The following RHOA variants were observed in gnomAD, a reference collection of about 807,000 sequenced individuals.
RHOA encodes transforming protein RhoA.
Under a neutral mutation model 17.5 loss-of-function variants are expected in RHOA, and 3 were observed. The ratio of observed to expected loss-of-function variants is 0.17; its 90% CI spans 0.08 to 0.44. The LOEUF is 0.44. Among genes scored for constraint, RHOA ranks in the 20% least tolerant of loss-of-function variants. The probability of loss-of-function intolerance (pLI) is 0.99; values close to 1 mark genes in which losing one functional copy is unlikely to be tolerated. For synonymous variants in RHOA, 98 were observed against 88.4 expected (o/e 1.11, Z -0.61); for missense variants, 56 against 242.3 (o/e 0.23, Z 5.10).
intron 1 of RHOA, among the ~76,000 whole-genome samples, chr3:49,407,719 C>G (rs966451883): frequency 2.0e-5 from 3 of 151,960 alleles, no homozygotes; most frequent in Non-Finnish European, 4.4e-5. Context: ...TTTCCCATGT[C>G]CTAAAGGCCC....
At chr3:49,375,754 A>G (rs1022661840) in intron 1 of RHOA, among the ~76,000 whole-genome samples, 163 bp from the exon 2 acceptor site, 2 of 152,184 alleles carry the variant, frequency 1.3e-5, no homozygotes, top group African/African-American at 4.8e-5. Flanking sequence ...GTTATACATT[A>G]AAAACTCGTA....
intron 1 of RHOA, among the ~76,000 whole-genome samples, chr3:49,398,606 G>A (rs576047679): frequency 3.9e-4 from 58 of 150,158 alleles, no homozygotes; most frequent in South Asian, 1.1e-3. Context: ...GGTGGATCAC[G>A]AGGTCAGGAG....
Position 49,405,896 on chromosome 3 carries a change from A to G in RHOA, c.-3+5924T>C, listed in dbSNP as rs556712846. Among the ~76,000 whole-genome samples, 41 of 152,138 alleles carry G rather than the reference A, an allele frequency of 2.7e-4. 1 individual carries two copies. The highest frequency in any genetic ancestry group is 2.1e-4 in the Non-Finnish European group (14 of 67,982). On this transcript the variant is annotated intron_variant, in intron 1 of 4. Coordinates refer to ENST00000418115, the MANE Select transcript of RHOA (RefSeq NM_001664.4). ...GATGGGGTTTCACCATGTTGGTCAG[A>G]CTGGTTTCGAACTCCTGACCTCAGG... is the stretch of plus-strand genomic sequence containing the variant.
At position 49,380,984 on chromosome 3, in the gene RHOA, C is replaced by CA. The variant is rs201163482; in HGVS notation, c.-2-5394dup. The stretch of plus-strand genomic sequence containing the variant: ...TATTATAGAATTTTATCCAAATCTA[C>CA]AAAATCTAGTAACTTTTTTTTTTTT... On this transcript the variant is annotated intron_variant, in intron 1 of 4. Transcript: ENST00000418115. Among the ~76,000 whole-genome samples, 41 of 150,294 alleles carry CA rather than the reference C, an allele frequency of 2.7e-4. No homozygotes were observed. The East Asian group carries it at 6.8e-3, about 25-fold the overall frequency.
intron 2 of RHOA, among the ~76,000 whole-genome samples, chr3:49,372,733 C>CACA: frequency 1.2e-5 from 1 of 83,150 alleles, no homozygotes; most frequent in South Asian, 4.3e-4. Context: ...GACTCTGTCT[C>CACA]AAAAAAAAAA....
chr3:49,383,117 AGAAGACATTCAATTCTT>A (rs973867373), intron 1 of RHOA, among the ~76,000 whole-genome samples: 3 of 152,006 alleles, frequency 2.0e-5, no homozygotes, highest in Non-Finnish European at 4.4e-5. Context: ...CACCCTACCT[AGAAGACATTCAATTCTT>A]GAGAAATAAT....
At chr3:49,409,879 A>C (rs1283774783) in intron 1 of RHOA, among the ~76,000 whole-genome samples, 1 of 152,192 alleles carries the variant, frequency 6.6e-6, no homozygotes, top group Non-Finnish European at 1.5e-5. Flanking sequence ...GTTAACTAAA[A>C]ATATCTTAGC....
At chr3:49,400,833 C>A (rs1255522839) in intron 1 of RHOA, among the ~76,000 whole-genome samples, 1 of 151,554 alleles carries the variant, frequency 6.6e-6, no homozygotes, top group African/African-American at 2.4e-5. Context: ...ATCACGAGGT[C>A]AGGAGATCAA....
intron 3 of RHOA, among the ~76,000 whole-genome samples, chr3:49,364,213 C>T (rs2048017525): frequency 6.6e-6 from 1 of 151,984 alleles, no homozygotes; most frequent in South Asian, 2.1e-4. Context: ...TTGCCAGGCG[C>T]AGTGGTTCAT....
At chr3:49,392,059 T>C (rs1258304233) in intron 1 of RHOA, among the ~76,000 whole-genome samples, 2 of 149,068 alleles carry the variant, frequency 1.3e-5, no homozygotes, top group South Asian at 2.1e-4. Flanking sequence ...AACTCCTATC[T>C]CAAGTGATCC....
At chr3:49,400,076 G>A (rs1481892493) in intron 1 of RHOA, among the ~76,000 whole-genome samples, 1 of 151,866 alleles carries the variant, frequency 6.6e-6, no homozygotes, top group Non-Finnish European at 1.5e-5. Flanking sequence ...GCTGGGCATG[G>A]TGGCACGTGC....
At chr3:49,371,619 G>A (rs529774105) in intron 2 of RHOA, among the ~76,000 whole-genome samples, 8 of 152,220 alleles carry the variant, frequency 5.3e-5, no homozygotes, top group African/African-American at 1.7e-4. Context: ...TTCCTACACA[G>A]TACCCTCTCC....
intron 2 of RHOA, among the ~76,000 whole-genome samples, chr3:49,370,124 G>C (rs527703047): frequency 6.6e-6 from 1 of 152,066 alleles, no homozygotes; most frequent in Non-Finnish European, 1.5e-5. Flanking sequence ...GTGCACGCCT[G>C]TAGTCCCAGC....
intron 1 of RHOA, among the ~76,000 whole-genome samples, chr3:49,380,112 C>T (rs929492390): frequency 6.6e-6 from 1 of 152,182 alleles, no homozygotes; most frequent in African/African-American, 2.4e-5. Flanking sequence ...GTGGGACTTC[C>T]AGAAAGTCTT....
At chr3:49,385,648 A>C (rs2048384821) in intron 1 of RHOA, among the ~76,000 whole-genome samples, 1 of 152,104 alleles carries the variant, frequency 6.6e-6, no homozygotes, top group African/African-American at 2.4e-5. Flanking sequence ...TTGGTGGCAT[A>C]TCTAAAATAC....
intron 1 of RHOA, among the ~76,000 whole-genome samples, chr3:49,387,210 C>T (rs1425192901): frequency 3.5e-5 from 5 of 144,818 alleles, no homozygotes; most frequent in African/African-American, 7.7e-5. Context: ...TTTGGGAGGC[C>T]GAGGCGGGCG....
intron 1 of RHOA, among the ~76,000 whole-genome samples, chr3:49,389,404 T>G (rs1472788443): frequency 6.6e-6 from 1 of 152,172 alleles, no homozygotes; most frequent in East Asian, 1.9e-4. Flanking sequence ...TGAGCTTAGT[T>G]TGGGGTTCAG....
chr3:49,411,427 T>A (rs913128273), intron 1 of RHOA, among the ~76,000 whole-genome samples: 12 of 152,352 alleles, frequency 7.9e-5, no homozygotes, highest in African/African-American at 2.9e-4. Context: ...CCATTTCAAC[T>A]CCGACAGCCA....
At chr3:49,382,018 C>T (rs1401477867) in intron 1 of RHOA, among the ~76,000 whole-genome samples, 1 of 151,260 alleles carries the variant, frequency 6.6e-6, no homozygotes, top group Non-Finnish European at 1.5e-5. Context: ...GACCCTATCT[C>T]ATAAAAATAA....
Sources: allele counts gnomAD v4.1 joint callset (sites outside exome capture counted in the v4.1 genomes callset), GRCh38; gene constraint gnomAD v4.1.1; transcripts MANE v1.5; gene names NCBI Gene and HGNC (gene_info 2026-07-23, HGNC 2026-07-21).